Variants in HDAC9 observed in about 807,000 individuals in gnomAD.
HDAC9 encodes the protein histone deacetylase 9.
In HDAC9, 41 loss-of-function variants were observed where a neutral mutation model predicts 139.4. The observed-to-expected ratio is 0.29, with a 90% CI of 0.23 to 0.38. The LOEUF (loss-of-function observed/expected upper bound fraction) is 0.38. HDAC9 is among the 10% of genes least tolerant of loss of function. The pLI, the probability that HDAC9 is intolerant of heterozygous loss-of-function variation, is 1.00. For synonymous variants in HDAC9, 517 were observed against 476.2 expected, an observed-to-expected ratio of 1.09 and a Z score of -1.12; for missense variants, 1,147 against 1,297.0, an observed-to-expected ratio of 0.88 and a Z score of 1.78.
At chr7:18,490,857 G>A (rs1182069538), upstream of HDAC9, among the ~76,000 whole-genome samples, 1 of 151,996 alleles carries the variant, frequency 6.6e-6, no homozygotes, top group Non-Finnish European at 1.5e-5. Context: ...GAGTGAGTGA[G>A]TGAGTGAGTG....
rs563411873 is a variant in HDAC9, at chr7:18,101,196, G to T, written c.-97+13983G>T. On this transcript the variant is annotated intron_variant, in intron 1 of 12. Transcript: ENST00000417496. ...TAGCTTTCCCCCCTCCAGTACTCTG[G>T]CCTGTGACATCCAGCTGCTCTGATC... Among the ~76,000 whole-genome samples, 3 of 152,204 alleles carry T rather than the reference G, an allele frequency of 2.0e-5. No homozygotes were observed. The South Asian group carries it at 6.2e-4, about 32-fold the overall frequency.
At chr7:18,909,811 C>A (rs566860313) in intron 22 of HDAC9, among the ~76,000 whole-genome samples, 43 of 152,028 alleles carry the variant, frequency 2.8e-4, no homozygotes, top group African/African-American at 1.0e-3. Context: ...TTCCACTGAT[C>A]TATGTGTCTG....
chr7:18,964,158 A>G lies in HDAC9; in HGVS notation c.3022+9928A>G, dbSNP rs147334757. On this transcript the variant is annotated intron_variant, in intron 24 of 25. Transcript: ENST00000686413. Reference sequence around the variant, plus strand: ...ACAATTACCAAACCTAAATGGGCCCATTACCATTCTACTGCTTTCTACTCT... The same window carrying G: ...ACAATTACCAAACCTAAATGGGCCCGTTACCATTCTACTGCTTTCTACTCT... Among the ~76,000 whole-genome samples, 904 of 152,238 alleles carry G rather than the reference A, an allele frequency of 5.9e-3. 6 individuals carry two copies. The highest frequency in any genetic ancestry group is 0.01 in the Non-Finnish European group (683 of 68,002).
At chr7:18,732,928 T>TGCGTATGTGTACACACACGTGC (rs778722940) in intron 13 of HDAC9, among the ~76,000 whole-genome samples, 2 of 122,914 alleles carry the variant, frequency 1.6e-5, no homozygotes, top group African/African-American at 7.2e-5. Flanking sequence ...TACACACGTG[T>TGCGTATGTGTACACACACGTGC]GTATGTATGT....
chr7:18,336,362 A>G (rs1309619848), intron 1 of HDAC9, among the ~76,000 whole-genome samples: 4 of 151,626 alleles, frequency 2.6e-5, no homozygotes, highest in African/African-American at 4.8e-5. Flanking sequence ...TTCACATTCA[A>G]CCACTGACCC....
chr7:18,583,265 A>C (rs1003895261), intron 2 of HDAC9, among the ~76,000 whole-genome samples: 1 of 152,218 alleles, frequency 6.6e-6, no homozygotes, highest in Admixed American at 6.5e-5. Context: ...TACTGTTACT[A>C]TCTCCAAGTT....
intron 6 of HDAC9, among the ~76,000 whole-genome samples, chr7:18,622,974 T>A (rs913487588): frequency 6.6e-6 from 1 of 151,742 alleles, no homozygotes; most frequent in East Asian, 2.0e-4. Flanking sequence ...CAAAACCCCA[T>A]CTGTATAAAA....
At chr7:18,439,290 C>G (rs546074607) in intron 1 of HDAC9, among the ~76,000 whole-genome samples, 4 of 152,232 alleles carry the variant, frequency 2.6e-5, no homozygotes, top group African/African-American at 9.6e-5. Flanking sequence ...TTCTCATTGT[C>G]TCTAATTCTA....
intron 22 of HDAC9, among the ~76,000 whole-genome samples, chr7:18,926,711 G>A (rs551431923): frequency 2.0e-3 from 298 of 152,158 alleles, no homozygotes; most frequent in African/African-American, 7.0e-3. Flanking sequence ...ATTTTCTCAG[G>A]AATTTCTGAG....
intron 13 of HDAC9, among the ~76,000 whole-genome samples, chr7:18,728,391 G>T (rs1358528974): frequency 7.2e-6 from 1 of 139,846 alleles, no homozygotes; most frequent in Non-Finnish European, 1.5e-5. Flanking sequence ...CCAAAGGAAG[G>T]TTAAGTGTGG....
At chr7:18,305,469 C>T (rs951987481) in intron 1 of HDAC9, among the ~76,000 whole-genome samples, 2 of 152,124 alleles carry the variant, frequency 1.3e-5, no homozygotes, top group Non-Finnish European at 2.9e-5. Flanking sequence ...AGTTTGCTTC[C>T]ACTGAAGCTA....
chr7:18,632,887 C>T (rs1471120381), intron 7 of HDAC9, among the ~76,000 whole-genome samples: 1 of 151,748 alleles, frequency 6.6e-6, no homozygotes, highest in African/African-American at 2.4e-5. Flanking sequence ...ATTAGATTTG[C>T]AGTAAAGAGA....
intron 22 of HDAC9, among the ~76,000 whole-genome samples, chr7:18,903,476 A>G (rs1201784828): frequency 6.6e-6 from 1 of 152,184 alleles, no homozygotes; most frequent in Non-Finnish European, 1.5e-5. Context: ...TCAAATAGAC[A>G]TCCAGTGGAA....
intron 12 of HDAC9, among the ~76,000 whole-genome samples, chr7:18,684,790 A>G (rs1328437915): frequency 6.6e-6 from 1 of 151,984 alleles, no homozygotes; most frequent in Non-Finnish European, 1.5e-5. Context: ...ATGTATATGT[A>G]TATTTATGAG....
intron 25 of HDAC9, among the ~76,000 whole-genome samples, chr7:18,993,042 C>G (rs911393325): frequency 2.0e-4 from 29 of 148,498 alleles, no homozygotes; most frequent in African/African-American, 7.2e-4. Flanking sequence ...AGCACTGCTT[C>G]TCATTCCTCC....
intron 21 of HDAC9, among the ~76,000 whole-genome samples, chr7:18,841,302 A>AT (rs888572453): frequency 9.9e-5 from 15 of 151,778 alleles, no homozygotes; most frequent in Non-Finnish European, 1.2e-4. Flanking sequence ...TACTGTTTGG[A>AT]TTTTTTTTGT....
chr7:18,233,938 T>C (rs1249134145), intron 2 of HDAC9, among the ~76,000 whole-genome samples: 4 of 152,162 alleles, frequency 2.6e-5, no homozygotes, highest in Non-Finnish European at 5.9e-5. Context: ...TTCTTAAGTT[T>C]GGTCTTCATT....
At chr7:18,860,048 A>T (rs964722698) in intron 21 of HDAC9, among the ~76,000 whole-genome samples, 1 of 151,724 alleles carries the variant, frequency 6.6e-6, no homozygotes, top group African/African-American at 2.4e-5. Flanking sequence ...GGGAAATGCA[A>T]TATGTGTACT....
At chr7:18,758,964 A>T (rs552943881) in intron 14 of HDAC9, among the ~76,000 whole-genome samples, 1 of 152,056 alleles carries the variant, frequency 6.6e-6, no homozygotes, top group South Asian at 2.1e-4. Flanking sequence ...AATAATAATA[A>T]TAAGAGCCAG....
Sources: allele counts gnomAD v4.1 joint callset (sites outside exome capture counted in the v4.1 genomes callset), GRCh38; gene constraint gnomAD v4.1.1; transcripts MANE v1.5; gene names NCBI Gene and HGNC (gene_info 2026-07-23, HGNC 2026-07-21).